KDM6A: variants seen among roughly 807,000 people sequenced by gnomAD.
KDM6A encodes the protein lysine demethylase 6A.
KDM6A carries 11 observed loss-of-function variants against 117.6 expected under a neutral mutation model. The ratio of observed to expected loss-of-function variants is 0.09; its 90% confidence interval spans 0.06 to 0.15. The LOEUF is 0.15. KDM6A is among the 10% of genes least tolerant of loss of function. The pLI is 1.00. For missense variants in KDM6A, 799 were observed against 1,077.3 expected (o/e 0.74, Z 3.62); for synonymous variants, 384 against 396.1 (o/e 0.97, Z 0.36).
At chrX:45,064,570 A>G (rs778696797) in intron 17 of KDM6A, among the ~76,000 whole-genome samples, 2 of 112,461 alleles carry the variant, frequency 1.8e-5, no homozygotes, top group East Asian at 2.8e-4. Context: ...GTTTATGTGC[A>G]TAGTATTTCC....
chrX:44,954,721 T>C (rs771901967), intron 2 of KDM6A, among the ~76,000 whole-genome samples: 1 of 110,960 alleles, frequency 9.0e-6, no homozygotes, highest in Admixed American at 9.7e-5. Context: ...CTCACTGTTA[T>C]AGGCAGTAGG....
chrX:45,062,577 G>A (rs2044346489), intron 15 of KDM6A, 70 bp from the exon 16 acceptor site: 10 of 805,541 alleles, frequency 1.2e-5, no homozygotes, highest in Non-Finnish European at 1.9e-5. Flanking sequence ...TCAGGGAAAG[G>A]TTGCTTAGAA....
chrX:44,962,151 G>T (rs778433098), intron 3 of KDM6A, among the ~76,000 whole-genome samples: 2 of 111,954 alleles, frequency 1.8e-5, no homozygotes, highest in Non-Finnish European at 1.9e-5. Flanking sequence ...GTGTTTAGAG[G>T]GCAAAACACC....
intron 6 of KDM6A, among the ~76,000 whole-genome samples, chrX:45,025,500 TTAA>T (rs1394939236): frequency 9.0e-6 from 1 of 111,148 alleles, no homozygotes; most frequent in Non-Finnish European, 1.9e-5. Context: ...TTTAATGATA[TTAA>T]TGACAGTTAC....
chrX:44,997,092 G>A (rs1409171544), intron 4 of KDM6A, among the ~76,000 whole-genome samples: 1 of 111,584 alleles, frequency 9.0e-6, no homozygotes, highest in African/African-American at 3.3e-5. Flanking sequence ...AATCCCCAGT[G>A]GGCATGTGTT....
At chrX:44,947,577 C>T (rs1229644690) in intron 2 of KDM6A, among the ~76,000 whole-genome samples, 2 of 109,262 alleles carry the variant, frequency 1.8e-5, no homozygotes, top group Non-Finnish European at 3.8e-5. Flanking sequence ...AGGGTTTCAC[C>T]GTGTTAGCCA....
Position 45,060,720 on chromosome X carries a change from C to T in KDM6A, c.1441C>T (p.Leu481=). The T allele has an allele frequency of 9.4e-7, 1 of 1,065,438 alleles. No homozygotes were observed. Among genetic ancestry groups the T allele is most frequent in the Non-Finnish European group, 1.2e-6 (1 of 807,238 alleles). 87.8% of individuals were successfully genotyped at this position (1,065,438 alleles called of 1,213,427 possible). A position where few individuals can be genotyped will look rare whatever the true frequency, so the allele number is the denominator to read the frequency against. Residue 481 remains leucine (L), a synonymous_variant, in exon 14 of 30, where the codon CTG becomes TTG. Transcript: ENST00000611820. ...GATTCCTTCTAGCCAAGTAGATGAC[C>T]TGTCCAGTCCTGCCAAGAGGAAAAG... is the stretch of plus-strand genomic sequence containing the variant. ...HMIPSSQVDD[L]SSPAKRKRTS...
chrX:44,898,007 A>G (rs2034030849), intron 2 of KDM6A, among the ~76,000 whole-genome samples: 1 of 111,578 alleles, frequency 9.0e-6, no homozygotes, highest in Non-Finnish European at 1.9e-5. Context: ...TATGGCCTTA[A>G]TGCAGACTGG....
At chrX:44,950,207 G>T (rs1340718770) in intron 2 of KDM6A, among the ~76,000 whole-genome samples, 1 of 110,073 alleles carries the variant, frequency 9.1e-6, no homozygotes, top group Non-Finnish European at 1.9e-5. Flanking sequence ...GTAGAGATGG[G>T]GTTTCACCAT....
intron 2 of KDM6A, among the ~76,000 whole-genome samples, chrX:44,876,416 C>T (rs1316879996): frequency 1.8e-5 from 2 of 111,147 alleles, no homozygotes; most frequent in Non-Finnish European, 3.8e-5. Context: ...TAACAGTCCT[C>T]GAAGCAGTAT....
chrX:44,884,603 CT>C (rs2032670919), intron 2 of KDM6A, among the ~76,000 whole-genome samples: 3 of 111,730 alleles, frequency 2.7e-5, no homozygotes, highest in East Asian at 5.6e-4. Flanking sequence ...ATGAAAGGTG[CT>C]CAGTATAAGA....
intron 2 of KDM6A, among the ~76,000 whole-genome samples, chrX:44,889,362 A>G (rs2033154780): frequency 8.9e-6 from 1 of 112,416 alleles, no homozygotes. Context: ...GTCTGTGTGC[A>G]TATGATTATA....
At chrX:44,898,124 T>G (rs900750083) in intron 2 of KDM6A, among the ~76,000 whole-genome samples, 2 of 111,544 alleles carry the variant, frequency 1.8e-5, no homozygotes, top group African/African-American at 6.5e-5. Context: ...AGATGAACTT[T>G]CTGACGGGCC....
At chrX:45,010,452 A>T (rs1191096487) in intron 4 of KDM6A, among the ~76,000 whole-genome samples, 2 of 111,928 alleles carry the variant, frequency 1.8e-5, no homozygotes, top group East Asian at 5.6e-4. Context: ...TCATACTGCA[A>T]AAGGAGTCAA....
chrX:44,878,437 T>C (rs957330343), intron 2 of KDM6A, among the ~76,000 whole-genome samples: 1 of 112,246 alleles, frequency 8.9e-6, no homozygotes. Context: ...TAAAGAGTTT[T>C]CTAGTTTGGA....
intron 2 of KDM6A, among the ~76,000 whole-genome samples, chrX:44,877,216 G>T (rs963830810): frequency 4.5e-5 from 5 of 111,758 alleles, no homozygotes; most frequent in Non-Finnish European, 7.5e-5. Context: ...GTCATTGAAA[G>T]AATTTTTTGT....
intron 27 of KDM6A, among the ~76,000 whole-genome samples, chrX:45,100,978 G>A: frequency 9.1e-6 from 1 of 110,149 alleles, no homozygotes; most frequent in Middle Eastern, 4.7e-3. Flanking sequence ...GAGCCACCAT[G>A]CCTGGCCAAT....
chrX:44,893,000 C>CAAAAA (rs2033505868), intron 2 of KDM6A, among the ~76,000 whole-genome samples: 1 of 67,009 alleles, frequency 1.5e-5, no homozygotes. Flanking sequence ...GAGACTCCAT[C>CAAAAA]TAAAAAAAAA....
Position 45,060,823 on chromosome X carries a change from A to G in KDM6A, c.1485+59A>G, listed in dbSNP as rs3788869. ...AAAAAAGAAGTTTCAGCTGCCCTGA[A>G]ATTGTGCAGTTTGAACATTTCCTGT... On this transcript the variant is annotated intron_variant, in intron 14 of 29. Transcript: ENST00000611820. 0.093 allele frequency: 72,707 copies of G among 781,611 alleles called. 5,020 individuals carry two copies. The highest frequency in any genetic ancestry group is 0.45 in the African/African-American group (21,068 of 46,763). The allele number at this position is 781,611 out of a possible 1,213,427, so 64.4% of individuals were successfully genotyped here.
Sources: allele counts gnomAD v4.1 joint callset (sites outside exome capture counted in the v4.1 genomes callset), GRCh38; gene constraint gnomAD v4.1.1; transcripts MANE v1.5; gene names NCBI Gene and HGNC (gene_info 2026-07-23, HGNC 2026-07-21).